LRFN2: variants seen among roughly 807,000 people sequenced by gnomAD.
The protein encoded by LRFN2 is leucine-rich repeat and fibronectin type-III domain-containing protein 2.
In LRFN2, 18 loss-of-function variants were observed where a neutral mutation model predicts 37.3. That is an observed-to-expected ratio of 0.48 (90% CI 0.33 to 0.72). LRFN2 has a LOEUF of 0.72. Among genes scored for constraint, LRFN2 ranks in the 30% least tolerant of loss-of-function variants. The pLI, the probability that LRFN2 is intolerant of heterozygous loss-of-function variation, is 0.02. For missense variants in LRFN2, 1,006 were observed against 1,060.7 expected (o/e 0.95, Z 0.72); for synonymous variants, 556 against 466.6 (o/e 1.19, Z -2.47).
intron 1 of LRFN2, among the ~76,000 whole-genome samples, chr6:40,531,014 A>T (rs1425262884): frequency 1.3e-5 from 2 of 152,166 alleles, no homozygotes; most frequent in African/African-American, 4.8e-5. Context: ...GATGCATCCA[A>T]AAAAGCATGC....
intron 1 of LRFN2, among the ~76,000 whole-genome samples, chr6:40,580,178 C>T (rs1322714307): frequency 6.6e-6 from 1 of 152,204 alleles, no homozygotes; most frequent in East Asian, 1.9e-4. Context: ...GTCCACCCTT[C>T]TCCCACACCC....
At position 40,542,416 on chromosome 6, in the gene LRFN2, G is replaced by A. The variant is rs182113013; in HGVS notation, c.-19+44525C>T. ...CAGGAAGCAGGCTGATGGGTGGGCG[G>A]GAGGTGCTGCAGTGAAACAGGAGCA... On this transcript the variant is annotated intron_variant, in intron 1 of 2. Transcript: ENST00000338305. Among the ~76,000 whole-genome samples, 249 of 152,218 alleles carry A rather than the reference G, an allele frequency of 1.6e-3. 1 individual carries two copies. The highest frequency in any genetic ancestry group is 2.6e-3 in the Non-Finnish European group (175 of 68,018).
chr6:40,487,930 G>C (rs1454689017), intron 1 of LRFN2, among the ~76,000 whole-genome samples: 1 of 152,152 alleles, frequency 6.6e-6, no homozygotes, highest in Non-Finnish European at 1.5e-5. Flanking sequence ...AGCCTGGTGT[G>C]GGGTGGAAGC....
chr6:40,420,336 G>T (rs1219819233), intron 2 of LRFN2, among the ~76,000 whole-genome samples: 2 of 152,224 alleles, frequency 1.3e-5, no homozygotes, highest in Non-Finnish European at 2.9e-5. Flanking sequence ...GTCACCCACA[G>T]GGTGCCCACT....
In LRFN2 at chr6:40,486,169, G is replaced by A. The variant is rs968257239; in HGVS notation, c.-18-53038C>T. 5.8e-4 allele frequency among the ~76,000 whole-genome samples: 89 copies of A among 152,198 alleles called. 1 individual carries two copies. The highest frequency in any genetic ancestry group is 2.5e-4 in the Non-Finnish European group (17 of 68,032). ...CTTTGAAGAATATGTAAGTCTAGAAGGCCCTCAAGTCAAAGATGCAGGTGT... is the reference window on the plus strand; with the variant it reads ...CTTTGAAGAATATGTAAGTCTAGAAAGCCCTCAAGTCAAAGATGCAGGTGT... On this transcript the variant is annotated intron_variant, in intron 1 of 2. Coordinates refer to ENST00000338305, the MANE Select transcript of LRFN2 (RefSeq NM_020737.3).
chr6:40,472,662 A>G (rs1032839136), intron 1 of LRFN2, among the ~76,000 whole-genome samples: 1 of 152,038 alleles, frequency 6.6e-6, no homozygotes. Context: ...GCTGCATCCT[A>G]TGCTTCCAGG....
At chr6:40,545,649 A>G (rs1365458786) in intron 1 of LRFN2, among the ~76,000 whole-genome samples, 1 of 151,750 alleles carries the variant, frequency 6.6e-6, no homozygotes, top group Non-Finnish European at 1.5e-5. Flanking sequence ...GAGAGGGGAG[A>G]GGATAATGGG....
intron 1 of LRFN2, among the ~76,000 whole-genome samples, chr6:40,564,706 A>G (rs1767057338): frequency 6.6e-6 from 1 of 152,152 alleles, no homozygotes; most frequent in Non-Finnish European, 1.5e-5. Flanking sequence ...CAAAATGTAA[A>G]TCTGGGTTCC....
At chr6:40,507,232 C>G (rs796349750) in intron 1 of LRFN2, among the ~76,000 whole-genome samples, 11 of 152,264 alleles carry the variant, frequency 7.2e-5, no homozygotes, top group African/African-American at 2.4e-4. Context: ...TCTACTGACA[C>G]GTCAAACTAG....
chr6:40,489,755 A>G (rs966208440), intron 1 of LRFN2, among the ~76,000 whole-genome samples: 1 of 152,046 alleles, frequency 6.6e-6, no homozygotes, highest in Non-Finnish European at 1.5e-5. Context: ...AAAAATAATG[A>G]CAGAAAGGTG....
At chr6:40,421,439 A>G (rs1763226605) in intron 2 of LRFN2, among the ~76,000 whole-genome samples, 1 of 152,178 alleles carries the variant, frequency 6.6e-6, no homozygotes, top group East Asian at 1.9e-4. Flanking sequence ...TTCAAACTGG[A>G]AAGGCAAGAG....
intron 2 of LRFN2, among the ~76,000 whole-genome samples, chr6:40,409,025 C>T (rs1392158984): frequency 6.6e-6 from 1 of 152,238 alleles, no homozygotes; most frequent in Non-Finnish European, 1.5e-5. Context: ...TCGGTAGCCA[C>T]AAGCCCTCAT....
intron 1 of LRFN2, among the ~76,000 whole-genome samples, chr6:40,570,926 G>A (rs1767175453): frequency 1.3e-5 from 2 of 152,256 alleles, no homozygotes; most frequent in East Asian, 3.8e-4. Flanking sequence ...TAAAGGGTTA[G>A]GATTTTACTC....
intron 1 of LRFN2, among the ~76,000 whole-genome samples, chr6:40,561,814 G>A (rs183664380): frequency 6.6e-6 from 1 of 152,262 alleles, no homozygotes; most frequent in East Asian, 1.9e-4. Context: ...CCAGAGGGCT[G>A]GAGAGGCGGG....
intron 2 of LRFN2, among the ~76,000 whole-genome samples, chr6:40,411,312 C>G (rs886142793): frequency 6.6e-6 from 1 of 152,112 alleles, no homozygotes; most frequent in Non-Finnish European, 1.5e-5. Context: ...CAAACGGGCA[C>G]GGTAGGAGTA....
chr6:40,441,476 C>A (rs911606501), intron 1 of LRFN2, among the ~76,000 whole-genome samples: 1 of 152,092 alleles, frequency 6.6e-6, no homozygotes, highest in Non-Finnish European at 1.5e-5. Flanking sequence ...CTGGATTTCA[C>A]CAGTGGGGGC....
chr6:40,557,057 C>T (rs1766904269), intron 1 of LRFN2, among the ~76,000 whole-genome samples: 2 of 152,180 alleles, frequency 1.3e-5, no homozygotes, highest in Admixed American at 6.5e-5. Context: ...GCTCCCCCAT[C>T]CCCATCTGTG....
At position 40,392,952 on chromosome 6, in the gene LRFN2, G is replaced by A. The variant is rs890350804; in HGVS notation, c.1401-40C>T. 1.3e-6 allele frequency: 2 copies of A among 1,570,870 alleles called. No homozygotes were observed. Among genetic ancestry groups the A allele is most frequent in the African/African-American group, 2.7e-5 (2 of 74,348 alleles). The stretch of plus-strand genomic sequence containing the variant: ...GGACAGAAATAGTGAGGGGTGGTGG[G>A]GTGGAAGGACAGGGTGATGGGGAGT... On this transcript the variant is annotated intron_variant, in intron 2 of 2. Coordinates refer to ENST00000338305, the MANE Select transcript of LRFN2 (RefSeq NM_020737.3). This position sits in a 1 kb window ranked among gnomAD's most constrained non-coding sequence, Gnocchi z 4.7.
intron 1 of LRFN2, among the ~76,000 whole-genome samples, chr6:40,484,647 C>A (rs528251906): frequency 6.6e-6 from 1 of 152,344 alleles, no homozygotes; most frequent in East Asian, 1.9e-4. Flanking sequence ...CCCCTGGGAT[C>A]TATTCCTCAG....
Sources: allele counts gnomAD v4.1 joint callset (sites outside exome capture counted in the v4.1 genomes callset), GRCh38; gene constraint gnomAD v4.1.1; non-coding constraint Gnocchi (gnomAD v3.1); transcripts MANE v1.5; gene names NCBI Gene and HGNC (gene_info 2026-07-23, HGNC 2026-07-21).